The following BAZ2B variants were observed in gnomAD, a reference collection of about 807,000 sequenced individuals.
BAZ2B encodes the protein bromodomain adjacent to zinc finger domain protein 2B.
Under a neutral mutation model 246.0 loss-of-function variants are expected in BAZ2B, and 91 were observed. The ratio of observed to expected loss-of-function variants is 0.37; its 90% CI spans 0.31 to 0.44. BAZ2B has a LOEUF of 0.44. BAZ2B is among the 20% of genes least tolerant of loss of function. BAZ2B has a pLI of 1.00. For synonymous variants in BAZ2B, 855 were observed against 860.0 expected (o/e 0.99, Z 0.10); for missense variants, 2,332 against 2,533.7 (o/e 0.92, Z 1.71).
Position 159,348,719 on chromosome 2 carries a change from T to C in BAZ2B, c.5252A>G (p.His1751Arg). The C allele has an allele frequency of 6.2e-7, 1 of 1,612,300 alleles. No individual in the cohort carries two copies. Among genetic ancestry groups the C allele is most frequent in the Non-Finnish European group, 8.5e-7 (1 of 1,179,616 alleles). Residue 1751 changes from histidine to arginine, a missense_variant, in exon 30 of 37, where the codon CAT (histidine) becomes CGT (arginine). Transcript: ENST00000392783. Reference sequence around the variant, plus strand: ...GCAGGCTTGAGTAATATAATCCAAATGTTTCTGAATTTGTTTTTGTAATGC... The same window carrying C: ...GCAGGCTTGAGTAATATAATCCAAACGTTTCTGAATTTGTTTTTGTAATGC... ...EKALQKQIQK[H>R]LDYITQACLK...
At chr2:159,442,340 A>G (rs1229153257) in intron 6 of BAZ2B, among the ~76,000 whole-genome samples, 1 of 152,184 alleles carries the variant, frequency 6.6e-6, no homozygotes, top group Non-Finnish European at 1.5e-5. Flanking sequence ...CAGTTAGAGC[A>G]TAGTGAACCA....
chr2:159,501,236 A>ATATTTT (rs2081791689), intron 2 of BAZ2B, among the ~76,000 whole-genome samples: 1 of 118,600 alleles, frequency 8.4e-6, no homozygotes, highest in Non-Finnish European at 1.7e-5. Context: ...TTATATATAT[A>ATATTTT]TATATAAAGT....
At chr2:159,654,307 T>C in the BAZ2B span, among the ~76,000 whole-genome samples, 1 of 152,112 alleles carries the variant, frequency 6.6e-6, no homozygotes, top group Non-Finnish European at 1.5e-5. Flanking sequence ...ATGTAACACA[T>C]AAAGAAGCAG....
intron 8 of BAZ2B, among the ~76,000 whole-genome samples, chr2:159,436,428 T>C (rs1309471436): frequency 6.6e-6 from 1 of 152,158 alleles, no homozygotes; most frequent in Non-Finnish European, 1.5e-5. Context: ...GAGACCTGTA[T>C]AGCAGCAAAT....
chr2:159,667,873 T>C, the BAZ2B span, among the ~76,000 whole-genome samples: 2 of 152,094 alleles, frequency 1.3e-5, no homozygotes, highest in African/African-American at 4.8e-5. Context: ...TGCTTGTTTT[T>C]ATGCATTTTC....
chr2:159,500,214 C>A (rs1222038560), intron 2 of BAZ2B, among the ~76,000 whole-genome samples: 3 of 152,096 alleles, frequency 2.0e-5, no homozygotes, highest in Non-Finnish European at 4.4e-5. Context: ...AGAAGTGGAT[C>A]CAGTTTCAGT....
rs763416188 is a variant in BAZ2B, at chr2:159,400,676, G to C, written c.2833-12C>G. The C allele has an allele frequency of 6.9e-7, 1 of 1,451,458 alleles. No individual in the cohort carries two copies. Among genetic ancestry groups the C allele is most frequent in the Non-Finnish European group, 9.5e-7 (1 of 1,047,370 alleles). The allele number at this position is 1,451,458 out of a possible 1,614,324, so 89.9% of individuals were successfully genotyped here. A position where few individuals can be genotyped will look rare whatever the true frequency, so the allele number is the denominator to read the frequency against. ...CTCTTAATTTTTTCCTGTAGGAAAAGTTATGATAACTTGAGATAATAAAAT... is the reference window on the plus strand; with the variant it reads ...CTCTTAATTTTTTCCTGTAGGAAAACTTATGATAACTTGAGATAATAAAAT... On this transcript the variant is annotated splice_polypyrimidine_tract_variant and intron_variant, in intron 16 of 36. Transcript: ENST00000392783.
the BAZ2B span, among the ~76,000 whole-genome samples, chr2:159,642,661 C>A: frequency 6.6e-6 from 1 of 152,078 alleles, no homozygotes; most frequent in Non-Finnish European, 1.5e-5. Context: ...AAAAAGATTA[C>A]AACTAATATT....
intron 3 of BAZ2B, chr2:159,459,246 C>G (rs934121318): frequency 3.3e-5 from 5 of 152,162 alleles, no homozygotes; most frequent in Non-Finnish European, 7.4e-5. Context: ...CTTTACAAAA[C>G]ATTGCACAAA....
At chr2:159,443,495 A>T (rs1031495054) in intron 6 of BAZ2B, among the ~76,000 whole-genome samples, 1 of 152,280 alleles carries the variant, frequency 6.6e-6, no homozygotes, top group Admixed American at 6.5e-5. Context: ...GCAACTTTTT[A>T]AAAAAGTTTT....
the BAZ2B span, among the ~76,000 whole-genome samples, chr2:159,655,328 T>C: frequency 6.6e-6 from 1 of 152,236 alleles, no homozygotes. Flanking sequence ...TATAGTATTC[T>C]TTGTTGTCAG....
In BAZ2B at chr2:159,320,173, A is replaced by G; in HGVS notation, c.*92T>C. ...TTAAGGAAAAAGAAAGTCATTATGTATGTGCCTTGCACGTTTATGTAAATA... is the reference window on the plus strand; with the variant it reads ...TTAAGGAAAAAGAAAGTCATTATGTGTGTGCCTTGCACGTTTATGTAAATA... On this transcript the variant is annotated 3_prime_UTR_variant, in exon 37 of 37. Coordinates refer to ENST00000392783, the MANE Select transcript of BAZ2B (RefSeq NM_013450.4). 1 of 1,120,986 alleles carries G rather than the reference A, an allele frequency of 8.9e-7. No individual in the cohort carries two copies. The highest frequency in any genetic ancestry group is 1.2e-6 in the Non-Finnish European group (1 of 843,214). 69.4% of individuals were successfully genotyped at this position (1,120,986 alleles called of 1,614,324 possible).
chr2:159,609,379 G>A (rs1021637852), intron 1 of BAZ2B, among the ~76,000 whole-genome samples: 19 of 152,020 alleles, frequency 1.2e-4, no homozygotes, highest in African/African-American at 4.6e-4. Context: ...CTTCTATCTT[G>A]CTTTACACCA....
At chr2:159,351,227 A>G (rs1465536750) in intron 27 of BAZ2B, among the ~76,000 whole-genome samples, 1 of 152,148 alleles carries the variant, frequency 6.6e-6, no homozygotes, top group Non-Finnish European at 1.5e-5. Context: ...ATTCTACTAC[A>G]TACATAATAT....
At chr2:159,326,740 T>A (rs1229819997) in intron 34 of BAZ2B, among the ~76,000 whole-genome samples, 1 of 152,026 alleles carries the variant, frequency 6.6e-6, no homozygotes, top group East Asian at 1.9e-4. Flanking sequence ...AAAAAAGAAC[T>A]CTCAACATGG....
chr2:159,678,608 C>T, the BAZ2B span, among the ~76,000 whole-genome samples: 3 of 152,016 alleles, frequency 2.0e-5, no homozygotes, highest in African/African-American at 7.2e-5. Flanking sequence ...AGAGGACAGC[C>T]GGGGTAGTGA....
At position 159,350,246 on chromosome 2, in the gene BAZ2B, T is replaced by A; in HGVS notation, c.4325A>T (p.Asp1442Val). 2 of 1,613,138 alleles carry A rather than the reference T, an allele frequency of 1.2e-6. No homozygotes were observed. The highest frequency in any genetic ancestry group is 1.7e-6 in the Non-Finnish European group (2 of 1,179,378). ...AAGATCTTCCTTTTGTTCACAGTGA[T>A]CTGTATTTGAACAATTTAAACTGTC... ...SGDSLNCSNT[D>V]HCEQKEDLKE... Residue 1442 changes from aspartate (D) to valine (V), a missense_variant, in exon 28 of 37, where the codon GAT (aspartate) becomes GTT (valine). Asp to Val is a radical substitution (Grantham distance 152). This residue lies in a region of BAZ2B where 676 missense variants were observed against 668.6 expected (regional missense o/e 1.01). Coordinates refer to ENST00000392783, the MANE Select transcript of BAZ2B (RefSeq NM_013450.4).
At chr2:159,700,167 T>G in the BAZ2B span, among the ~76,000 whole-genome samples, 3 of 152,146 alleles carry the variant, frequency 2.0e-5, no homozygotes, top group Non-Finnish European at 4.4e-5. Context: ...AATGGCAGAC[T>G]TAGAATTTAA....
chr2:159,385,835 C>A (rs1171923291), intron 22 of BAZ2B, among the ~76,000 whole-genome samples: 1 of 152,082 alleles, frequency 6.6e-6, no homozygotes, highest in African/African-American at 2.4e-5. Flanking sequence ...ACAGGTGCAT[C>A]TGGGAGGTTC....
Sources: gnomAD v4.1 joint callset for allele counts (sites outside exome capture counted in the v4.1 genomes callset) on GRCh38, gnomAD v4.1.1 for gene constraint, gnomAD v4.1.1 regional missense constraint, MANE v1.5 for transcripts, NCBI Gene and HGNC (gene_info 2026-07-23, HGNC 2026-07-21) for gene names.